The following DPP4 variants were observed in gnomAD, a reference collection of about 807,000 sequenced individuals.
The protein encoded by DPP4 is ADCP-2.
DPP4 carries 93 observed loss-of-function variants against 122.4 expected under a neutral mutation model. The observed-to-expected ratio is 0.76, with a 90% CI of 0.64 to 0.90. The LOEUF (loss-of-function observed/expected upper bound fraction) is 0.90, where lower values mean the gene tolerates loss of function less well. DPP4 is among the 40% of genes least tolerant of loss of function. The pLI, the probability that DPP4 is intolerant of heterozygous loss-of-function variation, is 0.00. For synonymous variants in DPP4, 321 were observed against 302.9 expected (o/e 1.06, Z -0.62); for missense variants, 914 against 907.3 (o/e 1.01, Z -0.09).
Position 162,047,502 on chromosome 2 carries a change from C to T in DPP4, c.95-1G>A. The T allele has an allele frequency of 1.3e-6, 2 of 1,558,516 alleles. No homozygotes were observed. Among genetic ancestry groups the T allele is most frequent in the Non-Finnish European group, 1.7e-6 (2 of 1,144,914 alleles). On this transcript the variant is annotated splice_acceptor_variant, in intron 2 of 25. Coordinates refer to ENST00000360534, the MANE Select transcript of DPP4 (RefSeq NM_001935.4). LOFTEE classifies it high-confidence loss of function. ...CGACTGTCAGCTGTAGCATCATCTG[C>T]TGGTTGAAAGAAAGAGCCAAATGTT...
intron 23 of DPP4, among the ~76,000 whole-genome samples, chr2:162,000,480 A>G (rs1276123616): frequency 6.6e-6 from 1 of 152,158 alleles, no homozygotes; most frequent in African/African-American, 2.4e-5. Flanking sequence ...ATCAGCACTC[A>G]ACAAACAAGT....
intron 3 of DPP4, 92 bp downstream of exon 3, chr2:162,047,311 A>T (rs1684221133): frequency 1.4e-6 from 1 of 694,704 alleles, no homozygotes; most frequent in African/African-American, 1.8e-5. Context: ...AAAAACAAGG[A>T]TTACCTCTTC....
rs1683886649 is a variant in DPP4, at chr2:162,038,931, C to A, written c.492+18G>T. ...ATTTGAGCCTATATTTTTCTGACAA[C>A]TGGAGAGACTCACTAACCAATTTAT... On this transcript the variant is annotated intron_variant, in intron 7 of 25. Transcript: ENST00000360534. The A allele has an allele frequency of 8.1e-6, 13 of 1,612,020 alleles. No individual in the cohort carries two copies. Among genetic ancestry groups the A allele is most frequent in the Non-Finnish European group, 1.1e-5 (13 of 1,178,304 alleles).
intron 12 of DPP4, among the ~76,000 whole-genome samples, 163 bp from the exon 13 acceptor site, chr2:162,020,851 A>G (rs914056643): frequency 6.6e-6 from 1 of 152,222 alleles, no homozygotes; most frequent in African/African-American, 2.4e-5. Flanking sequence ...ATCTTTCTAT[A>G]AAATGTGAAC....
chr2:162,021,211 A>G (rs1683113771), intron 12 of DPP4, among the ~76,000 whole-genome samples: 1 of 152,192 alleles, frequency 6.6e-6, no homozygotes, highest in African/African-American at 2.4e-5. Flanking sequence ...TGGACTACAT[A>G]CTATAAGGAA....
chr2:162,074,139 C>T lies in DPP4; in HGVS notation c.-158G>A. Reference sequence around the variant, plus strand: ...GAGTTAAACATTAGTGAGCGCCGAGCCCGCTGGGTATAAAGGCGCCGCGGG... The same window carrying T: ...GAGTTAAACATTAGTGAGCGCCGAGTCCGCTGGGTATAAAGGCGCCGCGGG... On this transcript the variant is annotated 5_prime_UTR_variant, in exon 1 of 26. Coordinates refer to ENST00000360534, the MANE Select transcript of DPP4 (RefSeq NM_001935.4). 1 of 1,392,234 alleles carries T rather than the reference C, an allele frequency of 7.2e-7. No homozygotes were observed. The highest frequency in any genetic ancestry group is 1.7e-5 in the South Asian group (1 of 59,778). 86.2% of individuals were successfully genotyped at this position (1,392,234 alleles called of 1,614,324 possible). A position where few individuals can be genotyped will look rare whatever the true frequency, so the allele number is the denominator to read the frequency against.
intron 15 of DPP4, 89 bp downstream of exon 15, chr2:162,019,132 TTA>T (rs1208956954): frequency 9.1e-7 from 1 of 1,096,310 alleles, no homozygotes; most frequent in East Asian, 3.7e-5. Context: ...CAGTTTAATA[TTA>T]GTTAGGACAA....
rs199899174 is a variant in DPP4, at chr2:162,035,251, G to A, written c.687C>T (p.Asn229=). Residue 229 remains asparagine, a synonymous_variant, in exon 9 of 26, where the codon AAC becomes AAT. Transcript: ENST00000360534. Reference sequence around the variant, plus strand: ...ATTCAATAAGTGGGACTTCTGTGTCGTTAAATTGGGCATATGCTAAAAAAG... The same window carrying A: ...ATTCAATAAGTGGGACTTCTGTGTCATTAAATTGGGCATATGCTAAAAAAG... The part of the protein sequence containing the change: ...NGTFLAYAQF[N]DTEVPLIEYS... The A allele has an allele frequency of 1.1e-5, 18 of 1,613,882 alleles. No homozygotes were observed. Among genetic ancestry groups the A allele is most frequent in the South Asian group, 5.5e-5 (5 of 91,076 alleles).
At chr2:162,017,075 GA>G in intron 17 of DPP4, 32 bp downstream of exon 17, 14 of 1,599,200 alleles carry the variant, frequency 8.8e-6, no homozygotes, top group Non-Finnish European at 1.2e-5. Context: ...CACTTTCTTA[GA>G]AACAAATGAA....
chr2:162,006,428 C>T (rs114467943), intron 22 of DPP4, among the ~76,000 whole-genome samples: 33 of 152,232 alleles, frequency 2.2e-4, no homozygotes, highest in Non-Finnish European at 4.1e-4. Flanking sequence ...ATTCAGTTAT[C>T]ATTTATTTGC....
chr2:162,011,487 T>C (rs1682704869), intron 20 of DPP4, among the ~76,000 whole-genome samples: 1 of 152,098 alleles, frequency 6.6e-6, no homozygotes, highest in South Asian at 2.1e-4. Context: ...CCTCAGTTTG[T>C]CCCCGAGTCT....
intron 9 of DPP4, among the ~76,000 whole-genome samples, chr2:162,033,972 T>C (rs999380224): frequency 6.6e-6 from 1 of 150,666 alleles, no homozygotes; most frequent in African/African-American, 2.4e-5. Flanking sequence ...TTTATCACTT[T>C]GTGCAAGCAA....
At chr2:162,071,847 C>CAAG (rs1559729566) in intron 2 of DPP4, among the ~76,000 whole-genome samples, 11 of 152,314 alleles carry the variant, frequency 7.2e-5, no homozygotes, top group African/African-American at 7.2e-5. Context: ...AGCCTCAGAT[C>CAAG]CCTAGGCCTT....
intron 12 of DPP4, among the ~76,000 whole-genome samples, chr2:162,021,965 G>C (rs1442468654): frequency 6.6e-6 from 1 of 152,104 alleles, no homozygotes; most frequent in African/African-American, 2.4e-5. Context: ...TTGGACTGGG[G>C]ACCTCACCTC....
chr2:162,049,370 T>C (rs936837127), intron 2 of DPP4, among the ~76,000 whole-genome samples: 2 of 151,918 alleles, frequency 1.3e-5, no homozygotes, highest in Admixed American at 6.6e-5. Context: ...AGCAAAGTAA[T>C]GCAGGAACAG....
chr2:162,047,593 C>T, intron 2 of DPP4, 92 bp from the exon 3 acceptor site: 1 of 804,158 alleles, frequency 1.2e-6, no homozygotes, highest in Non-Finnish European at 1.8e-6. Flanking sequence ...TACAATATAC[C>T]CTGCTCAAAA....
intron 15 of DPP4, 101 bp downstream of exon 15, chr2:162,019,122 C>T: frequency 1.9e-6 from 2 of 1,065,322 alleles, no homozygotes; most frequent in East Asian, 2.4e-5. Flanking sequence ...ATAGCAATAC[C>T]AGTTTAATAT....
rs998498235 is a variant in DPP4 at position 162,038,797 on chromosome 2, CT to C, written c.492+151del. 9.4e-5 allele frequency: 66 copies of C among 703,530 alleles called. No individual in the cohort carries two copies. In the Middle Eastern group the frequency reaches 2.0e-3, roughly 21 times the overall value. The allele number at this position is 703,530 out of a possible 1,614,324, so 43.6% of individuals were successfully genotyped here. On this transcript the variant is annotated intron_variant, in intron 7 of 25. Coordinates refer to ENST00000360534, the MANE Select transcript of DPP4 (RefSeq NM_001935.4). ...TGCATTCTGGAAGAGAGAAGTTCAG[CT>C]GCAGACAAACATTAGATCCTGGGCA...
chr2:162,047,111 A>G lies in DPP4; in HGVS notation c.194-105T>C, dbSNP rs968724822. 6.3e-6 allele frequency: 4 copies of G among 634,670 alleles called. No homozygotes were observed. The African/African-American group carries it at 7.3e-5, about 12-fold the overall frequency. The allele number at this position is 634,670 out of a possible 1,614,324, so 39.3% of individuals were successfully genotyped here. On this transcript the variant is annotated intron_variant, in intron 3 of 25. Transcript: ENST00000360534. ...TTAAGCTCACAAATACCAAATAGGC[A>G]TTTCTAAGTTGAGAAAACATGAATG...
Sources: allele counts gnomAD v4.1 joint callset (sites outside exome capture counted in the v4.1 genomes callset), GRCh38; gene constraint gnomAD v4.1.1; transcripts MANE v1.5; gene names NCBI Gene and HGNC (gene_info 2026-07-23, HGNC 2026-07-21).